LRRN1: variants seen among roughly 807,000 people sequenced by gnomAD.
LRRN1 encodes leucine rich repeat neuronal 1.
A neutral mutation model predicts 45.8 loss-of-function variants in LRRN1; 14 were observed. The observed-to-expected ratio is 0.31, with a 90% CI of 0.20 to 0.48. LRRN1 has a LOEUF of 0.48. LRRN1 is among the 20% of genes least tolerant of loss of function. The probability of loss-of-function intolerance (pLI) is 0.99; values close to 1 mark genes in which losing one functional copy is unlikely to be tolerated. For synonymous variants in LRRN1, 359 were observed against 330.1 expected, an observed-to-expected ratio of 1.09 and a Z score of -0.95; for missense variants, 789 against 874.2, an observed-to-expected ratio of 0.90 and a Z score of 1.23.
chr3:3,845,271 C>T lies in LRRN1; in HGVS notation c.630C>T (p.Asn210=), dbSNP rs1331430492. 6.2e-7 allele frequency: 1 copy of T among 1,614,126 alleles called. No individual in the cohort carries two copies. Among genetic ancestry groups the T allele is most frequent in the South Asian group, 1.1e-5 (1 of 91,086 alleles). Residue 210 remains asparagine (N), a synonymous_variant, in exon 2 of 2, where the codon AAC becomes AAT. Transcript: ENST00000319331. This position sits in a 1 kb window ranked among gnomAD's most constrained non-coding sequence, Gnocchi z 6.5. ...CTGTGATTGGAATTCTGGATATGAA[C>T]TTCAAACCCCTCGCAAATTTGAGAA... ...ENPVIGILDM[N]FKPLANLRSL...
rs777038602 is a variant in LRRN1 at position 3,845,808 on chromosome 3, C to G, written c.1167C>G (p.Ile389Met). The stretch of plus-strand genomic sequence containing the variant: ...GGATTAACTCCAACAAAACCAACAT[C>G]CGCTTCATGGAGCCCCTGTCCATGT... ...IHWINSNKTN[I>M]RFMEPLSMFC... The change falls in exon 2 of 2, where the codon ATC becomes ATG. Residue 389 changes from isoleucine (I) to methionine (M), a missense_variant. Coordinates refer to ENST00000319331, the MANE Select transcript of LRRN1 (RefSeq NM_020873.7). This position sits in a 1 kb window ranked among gnomAD's most constrained non-coding sequence, Gnocchi z 6.5. 1 of 1,614,154 alleles carries G rather than the reference C, an allele frequency of 6.2e-7. No homozygotes were observed. Among genetic ancestry groups the G allele is most frequent in the Non-Finnish European group, 8.5e-7 (1 of 1,180,036 alleles).
chr3:3,799,867 C>T lies in LRRN1; in HGVS notation c.-331C>T. On this transcript the variant is annotated 5_prime_UTR_variant, in exon 1 of 2. Transcript: ENST00000319331. The stretch of plus-strand genomic sequence containing the variant: ...CTGCTGCTGCTGCCGCCGCCGCCGC[C>T]GTGGGTGCCGGGTCCGCGCGCACCC... The T allele has an allele frequency of 6.1e-6, 1 of 163,846 alleles. No individual in the cohort carries two copies. Among genetic ancestry groups the T allele is most frequent in the South Asian group, 1.4e-4 (1 of 6,936 alleles). The allele number at this position is 163,846 out of a possible 1,614,324, so 10.1% of individuals were successfully genotyped here.
At chr3:3,838,252 A>G (rs1176870678) in intron 1 of LRRN1, among the ~76,000 whole-genome samples, 1 of 152,198 alleles carries the variant, frequency 6.6e-6, no homozygotes, top group Non-Finnish European at 1.5e-5. Context: ...AAACTAACTC[A>G]AGATAGATTA....
intron 1 of LRRN1, among the ~76,000 whole-genome samples, chr3:3,808,204 C>T (rs1692803556): frequency 1.2e-5 from 1 of 85,872 alleles, no homozygotes; most frequent in South Asian, 2.6e-4. Flanking sequence ...CAAATTCTAT[C>T]CCCAGAGCCC....
chr3:3,837,332 T>C lies in LRRN1; in HGVS notation c.-278-7032T>C, dbSNP rs866956383. Among the ~76,000 whole-genome samples the C allele has an allele frequency of 1.2e-3, 186 of 151,352 alleles. 2 individuals carry two copies. Among genetic ancestry groups the C allele is most frequent in the African/African-American group, 4.2e-3 (171 of 41,144 alleles). ...TGGGGGCAAGGGCTTTATTACTCCTTCCCCCCCCCATTTTATAACCCCACA... is the reference window on the plus strand; with the variant it reads ...TGGGGGCAAGGGCTTTATTACTCCTCCCCCCCCCCATTTTATAACCCCACA... On this transcript the variant is annotated intron_variant, in intron 1 of 1. Transcript: ENST00000319331.
rs563723311 is a variant in LRRN1, at chr3:3,840,466, T to TAC, written c.-278-3896_-278-3895dup. On this transcript the variant is annotated intron_variant, in intron 1 of 1. Coordinates refer to ENST00000319331, the MANE Select transcript of LRRN1 (RefSeq NM_020873.7). ...GGCGAGTAGCTCCTGAGAAATGCCA[T>TAC]ACATTGTAAACATCTAAAATGGCTT... is the stretch of plus-strand genomic sequence containing the variant. 5.9e-5 allele frequency among the ~76,000 whole-genome samples: 9 copies of TAC among 152,324 alleles called. No individual in the cohort carries two copies. The East Asian group carries it at 1.7e-3, about 29-fold the overall frequency.
At position 3,848,329 on chromosome 3, in the gene LRRN1, G is replaced by T. The variant is rs1173051026; in HGVS notation, c.*1537G>T. Among the ~76,000 whole-genome samples the T allele has an allele frequency of 3.9e-5, 6 of 152,130 alleles. No individual in the cohort carries two copies. Among genetic ancestry groups the T allele is most frequent in the African/African-American group, 1.4e-4 (6 of 41,434 alleles). On this transcript the variant is annotated 3_prime_UTR_variant, in exon 2 of 2. Transcript: ENST00000319331. Reference sequence around the variant, plus strand: ...TAACATTTAGAGCAGATGGAACTAGGTTTAGGTAGAAGGCCAGTTCCACAA... The same window carrying T: ...TAACATTTAGAGCAGATGGAACTAGTTTTAGGTAGAAGGCCAGTTCCACAA...
In LRRN1 at chr3:3,832,450, G is replaced by T. The variant is rs1351343679; in HGVS notation, c.-278-11914G>T. Among the ~76,000 whole-genome samples, 6 of 152,230 alleles carry T rather than the reference G, an allele frequency of 3.9e-5. No homozygotes were observed. The South Asian group carries it at 6.2e-4, about 16-fold the overall frequency. ...AGTTGGACCTGAGCTAAAACTCCATGAATTACCTGACCTGCATAAGCCCCT... is the reference window on the plus strand; with the variant it reads ...AGTTGGACCTGAGCTAAAACTCCATTAATTACCTGACCTGCATAAGCCCCT... On this transcript the variant is annotated intron_variant, in intron 1 of 1. Transcript: ENST00000319331.
chr3:3,846,968 A>T lies in LRRN1; in HGVS notation c.*176A>T. On this transcript the variant is annotated 3_prime_UTR_variant, in exon 2 of 2. Transcript: ENST00000319331. The surrounding 1 kb of genome is among the most constrained non-coding windows in gnomAD (Gnocchi z 5.7). Reference sequence around the variant, plus strand: ...GTATAGCGTATCGCAAGGGTTTGACACGGCTGCCAGCGACTCTAGGCTTCC... The same window carrying T: ...GTATAGCGTATCGCAAGGGTTTGACTCGGCTGCCAGCGACTCTAGGCTTCC... 1 of 507,664 alleles carries T rather than the reference A, an allele frequency of 2.0e-6. No individual in the cohort carries two copies. The highest frequency in any genetic ancestry group is 3.5e-6 in the Non-Finnish European group (1 of 284,716). The allele number at this position is 507,664 out of a possible 1,614,324, so 31.4% of individuals were successfully genotyped here.
chr3:3,804,139 T>C lies in LRRN1; in HGVS notation c.-279+4220T>C, dbSNP rs942403802. 26 of 152,216 alleles carry C rather than the reference T, an allele frequency of 1.7e-4. 2 individuals carry two copies. Among genetic ancestry groups the C allele is most frequent in the Non-Finnish European group, 1.5e-5 (1 of 68,030 alleles). The allele number at this position is 152,216 out of a possible 1,614,324, so 9.4% of individuals were successfully genotyped here. Reference sequence around the variant, plus strand: ...GAATGTTTTCAAAGCTCTAGGCAAATGTCGGGAGTTATTAACAATTTTATC... The same window carrying C: ...GAATGTTTTCAAAGCTCTAGGCAAACGTCGGGAGTTATTAACAATTTTATC... On this transcript the variant is annotated intron_variant, in intron 1 of 1. Transcript: ENST00000319331.
At chr3:3,839,648 G>A (rs1234612632) in intron 1 of LRRN1, among the ~76,000 whole-genome samples, 2 of 151,970 alleles carry the variant, frequency 1.3e-5, no homozygotes, top group African/African-American at 4.8e-5. Flanking sequence ...TATCATCTTT[G>A]ATTTATTTTG....
intron 1 of LRRN1, among the ~76,000 whole-genome samples, chr3:3,836,166 G>C (rs941751219): frequency 1.2e-4 from 18 of 152,032 alleles, no homozygotes; most frequent in African/African-American, 4.3e-4. Flanking sequence ...TGTTATAAAA[G>C]TTGGCCTGAA....
chr3:3,819,397 C>T (rs529497054), intron 1 of LRRN1, among the ~76,000 whole-genome samples: 9 of 152,316 alleles, frequency 5.9e-5, no homozygotes, highest in African/African-American at 1.9e-4. Flanking sequence ...TTTCACAGTT[C>T]TGTAGGCTAG....
Position 3,845,508 on chromosome 3 carries a change from A to G in LRRN1, c.867A>G (p.Leu289=), listed in dbSNP as rs774545228. ...QEGDFKNMLR[L]KELGINNMGE... ...GGGACTTCAAAAATATGCTTCGGTT[A>G]AAAGAACTGGGAATCAACAATATGG... The change falls in exon 2 of 2, where the codon TTA becomes TTG. Residue 289 remains leucine (L), a synonymous_variant. Coordinates refer to ENST00000319331, the MANE Select transcript of LRRN1 (RefSeq NM_020873.7). The surrounding 1 kb of genome is among the most constrained non-coding windows in gnomAD (Gnocchi z 6.5). 1.9e-6 allele frequency: 3 copies of G among 1,614,170 alleles called. No homozygotes were observed. The highest frequency in any genetic ancestry group is 1.3e-5 in the African/African-American group (1 of 75,044).
At chr3:3,838,999 T>A (rs990369636) in intron 1 of LRRN1, among the ~76,000 whole-genome samples, 1 of 152,134 alleles carries the variant, frequency 6.6e-6, no homozygotes, top group Admixed American at 6.5e-5. Flanking sequence ...TGCACAGACC[T>A]TAAGTTTGAA....
At chr3:3,834,985 G>C (rs941438860) in intron 1 of LRRN1, among the ~76,000 whole-genome samples, 7 of 152,034 alleles carry the variant, frequency 4.6e-5, no homozygotes, top group Non-Finnish European at 1.0e-4. Context: ...AGTTGACACT[G>C]GGTATTAACC....
At chr3:3,827,833 C>G (rs775730318) in intron 1 of LRRN1, among the ~76,000 whole-genome samples, 1 of 151,876 alleles carries the variant, frequency 6.6e-6, no homozygotes, top group Non-Finnish European at 1.5e-5. Context: ...TTATAAATTG[C>G]CTGGATAGGG....
chr3:3,812,903 G>A (rs1692908206), intron 1 of LRRN1, among the ~76,000 whole-genome samples: 1 of 150,200 alleles, frequency 6.7e-6, no homozygotes. Context: ...GTGGCACATA[G>A]TGTCTAGTAA....
At chr3:3,819,539 G>C (rs1693058559) in intron 1 of LRRN1, among the ~76,000 whole-genome samples, 2 of 152,058 alleles carry the variant, frequency 1.3e-5, no homozygotes, top group Non-Finnish European at 2.9e-5. Context: ...TTACAGCTGT[G>C]GAACTCCAGT....
Sources: gnomAD v4.1 joint callset for allele counts (sites outside exome capture counted in the v4.1 genomes callset) on GRCh38, gnomAD v4.1.1 for gene constraint, Gnocchi (gnomAD v3.1) non-coding constraint, MANE v1.5 for transcripts, NCBI Gene and HGNC (gene_info 2026-07-23, HGNC 2026-07-21) for gene names.